Variants in SEMA3C observed in about 807,000 individuals in gnomAD.
SEMA3C encodes semaphorin 3C, also known as semaphorin-3C.
In SEMA3C, 47 loss-of-function variants were observed where a neutral mutation model predicts 89.4. That is an observed-to-expected ratio of 0.53 (90% CI 0.42 to 0.67). The LOEUF is 0.67. Among genes scored for constraint, SEMA3C ranks in the 30% least tolerant of loss-of-function variants. The pLI is 0.00. For missense variants in SEMA3C, 839 were observed against 929.1 expected (o/e 0.90, Z 1.26); for synonymous variants, 310 against 320.2 (o/e 0.97, Z 0.34).
intron 9 of SEMA3C, among the ~76,000 whole-genome samples, chr7:80,801,851 A>T (rs186953803): frequency 3.7e-4 from 56 of 152,232 alleles, no homozygotes; most frequent in African/African-American, 1.3e-3. Flanking sequence ...GCTTATCTAG[A>T]AACTTTTGTT....
intron 2 of SEMA3C, among the ~76,000 whole-genome samples, chr7:80,908,552 A>G (rs977116007): frequency 4.6e-5 from 7 of 152,176 alleles, no homozygotes; most frequent in African/African-American, 1.7e-4. Context: ...GCTGGCTGGA[A>G]AAAAAGAAAA....
intron 15 of SEMA3C, among the ~76,000 whole-genome samples, chr7:80,756,485 C>T (rs1788069552): frequency 6.6e-6 from 1 of 152,180 alleles, no homozygotes; most frequent in African/African-American, 2.4e-5. Context: ...CCAAATCCAA[C>T]CAGTTATCTT....
chr7:80,862,803 A>G (rs1790803624), intron 2 of SEMA3C, among the ~76,000 whole-genome samples: 1 of 152,160 alleles, frequency 6.6e-6, no homozygotes, highest in Admixed American at 6.6e-5. Context: ...CTTACAGTCA[A>G]CTGATCTTCA....
At chr7:80,891,941 T>C (rs1483826597) in intron 2 of SEMA3C, among the ~76,000 whole-genome samples, 2 of 152,118 alleles carry the variant, frequency 1.3e-5, no homozygotes, top group Admixed American at 6.5e-5. Flanking sequence ...CAACCAGAAA[T>C]ATTTATTTTC....
At chr7:80,843,852 GAA>G (rs1203015915) in intron 2 of SEMA3C, among the ~76,000 whole-genome samples, 3 of 152,128 alleles carry the variant, frequency 2.0e-5, no homozygotes, top group Admixed American at 6.6e-5. Context: ...TAAATGAGAG[GAA>G]AAGTTTTCTT....
intron 6 of SEMA3C, among the ~76,000 whole-genome samples, chr7:80,810,233 CAAAT>C (rs1330691131): frequency 6.0e-5 from 9 of 150,526 alleles, no homozygotes; most frequent in African/African-American, 2.2e-4. Flanking sequence ...CAACTAAAAA[CAAAT>C]AAAAAATAAT....
intron 12 of SEMA3C, among the ~76,000 whole-genome samples, chr7:80,785,712 C>T (rs930138524): frequency 2.6e-5 from 4 of 152,134 alleles, no homozygotes; most frequent in African/African-American, 4.8e-5. Context: ...CTCCACCTCT[C>T]GGGTTCAAGC....
intron 2 of SEMA3C, among the ~76,000 whole-genome samples, chr7:80,910,565 G>A (rs1467159145): frequency 6.6e-6 from 1 of 151,682 alleles, no homozygotes; most frequent in East Asian, 1.9e-4. Flanking sequence ...AACAACAGAG[G>A]TCTTCAGTAA....
intron 2 of SEMA3C, among the ~76,000 whole-genome samples, chr7:80,830,700 G>T (rs2040908): frequency 0.63 from 96,333 of 151,948 alleles, 30,827 homozygotes; most frequent in Middle Eastern, 0.77. Flanking sequence ...TGGAAACAGG[G>T]GGCTTGGGTG....
At chr7:80,893,964 T>C (rs1791674834) in intron 2 of SEMA3C, among the ~76,000 whole-genome samples, 1 of 152,196 alleles carries the variant, frequency 6.6e-6, no homozygotes, top group African/African-American at 2.4e-5. Context: ...GACATTCCTC[T>C]ACTTTAATTA....
At chr7:80,913,416 A>G (rs1431686182) in intron 2 of SEMA3C, among the ~76,000 whole-genome samples, 16 of 152,260 alleles carry the variant, frequency 1.1e-4, no homozygotes, top group Admixed American at 8.5e-4. Context: ...AAAGGAAAAG[A>G]AAAAACAGGT....
chr7:80,905,945 A>C, intron 2 of SEMA3C: 1 of 1,251,312 alleles, frequency 8.0e-7, no homozygotes, highest in Non-Finnish European at 1.0e-6. Flanking sequence ...ATTGAATGTA[A>C]TTTTGTTTTG....
rs554054268 is a variant in SEMA3C, at chr7:80,887,967, T to C, written c.103+28712A>G. Among the ~76,000 whole-genome samples the C allele has an allele frequency of 2.0e-5, 3 of 152,330 alleles. No homozygotes were observed. In the East Asian group the frequency reaches 5.8e-4, roughly 29 times the overall value. On this transcript the variant is annotated intron_variant, in intron 2 of 17. Transcript: ENST00000265361. ...GAAGGACAGAAATGTAGATTTATGCTACTTGTCTGAAAAGGTCTCTTATTA... is the reference window on the plus strand; with the variant it reads ...GAAGGACAGAAATGTAGATTTATGCCACTTGTCTGAAAAGGTCTCTTATTA...
At chr7:80,766,547 G>C (rs1192427049) in intron 12 of SEMA3C, among the ~76,000 whole-genome samples, 1 of 152,192 alleles carries the variant, frequency 6.6e-6, no homozygotes, top group Non-Finnish European at 1.5e-5. Context: ...CGGGGCCTTT[G>C]AGACCCTATG....
upstream of SEMA3C, among the ~76,000 whole-genome samples, chr7:80,920,992 G>A (rs6467464): frequency 0.87 from 132,860 of 152,258 alleles, 58,018 homozygotes; most frequent in South Asian, 0.92. Flanking sequence ...AAATTGATCA[G>A]CAAATTCACG....
intron 2 of SEMA3C, among the ~76,000 whole-genome samples, chr7:80,831,631 G>A (rs1245957719): frequency 6.6e-6 from 1 of 152,140 alleles, no homozygotes; most frequent in Non-Finnish European, 1.5e-5. Flanking sequence ...AAAATAATTT[G>A]AGTATGCAGG....
At chr7:80,891,363 T>G (rs1562972327) in intron 2 of SEMA3C, among the ~76,000 whole-genome samples, 1 of 151,900 alleles carries the variant, frequency 6.6e-6, no homozygotes, top group Non-Finnish European at 1.5e-5. Context: ...TCCTTATCCC[T>G]CCCTCCCCCA....
At chr7:80,751,130 A>G in intron 16 of SEMA3C, 139 bp downstream of exon 16, 1 of 663,322 alleles carries the variant, frequency 1.5e-6, no homozygotes, top group South Asian at 2.3e-5. Context: ...TAATTACCCT[A>G]TATAAATACC....
Position 80,828,614 on chromosome 7 carries a change from T to C in SEMA3C, c.235A>G (p.Ile79Val), listed in dbSNP as rs1789936199. Residue 79 changes from isoleucine to valine, a missense_variant, in exon 3 of 18, where the codon ATT becomes GTT. By Grantham distance (29) the Ile-to-Val change is conservative. Transcript: ENST00000265361. ...GSKDHILSLNINNISQEALSV... is the reference protein window; with the variant it reads ...GSKDHILSLNVNNISQEALSV... ...AAAGCTTCTTGACTTATATTGTTAA[T>C]ATTCAGGGAAAGAATGTGATCTTTG... 6.2e-7 allele frequency: 1 copy of C among 1,609,858 alleles called. No homozygotes were observed. The highest frequency in any genetic ancestry group is 8.5e-7 in the Non-Finnish European group (1 of 1,177,380).
Sources: allele counts gnomAD v4.1 joint callset (sites outside exome capture counted in the v4.1 genomes callset), GRCh38; gene constraint gnomAD v4.1.1; transcripts MANE v1.5; gene names NCBI Gene and HGNC (gene_info 2026-07-23, HGNC 2026-07-21).